Variants in ASTN2 observed in about 807,000 individuals in gnomAD.
ASTN2 encodes astrotactin-2.
ASTN2 carries 54 observed loss-of-function variants against 139.8 expected under a neutral mutation model. The observed-to-expected ratio is 0.39, with a 90% CI of 0.31 to 0.48. The LOEUF (loss-of-function observed/expected upper bound fraction) is 0.48. Ranked by LOEUF, ASTN2 falls within the 20% of genes least tolerant of loss-of-function variation. ASTN2 has a pLI of 0.95. For synonymous variants in ASTN2, 756 were observed against 719.5 expected, an observed-to-expected ratio of 1.05 and a Z score of -0.81; for missense variants, 1,565 against 1,725.1, an observed-to-expected ratio of 0.91 and a Z score of 1.64.
At chr9:116,578,456 C>T (rs1853812248) in intron 19 of ASTN2, among the ~76,000 whole-genome samples, 1 of 151,948 alleles carries the variant, frequency 6.6e-6, no homozygotes, top group South Asian at 2.1e-4. Context: ...GTTCTAAGAA[C>T]ATTTTTAATT....
intron 19 of ASTN2, among the ~76,000 whole-genome samples, chr9:116,542,385 T>C (rs1851911077): frequency 6.6e-6 from 1 of 152,200 alleles, no homozygotes; most frequent in African/African-American, 2.4e-5. Context: ...CCTAATAAAT[T>C]CTGCCACTTC....
At chr9:116,838,119 TTG>T (rs1165963834) in intron 11 of ASTN2, among the ~76,000 whole-genome samples, 9,933 of 146,368 alleles carry the variant, frequency 0.068, 454 homozygotes, top group East Asian at 0.2. Flanking sequence ...TTGTTTTGTT[TTG>T]TTTTTTGAGA....
intron 10 of ASTN2, among the ~76,000 whole-genome samples, chr9:116,941,907 G>A (rs1835241577): frequency 6.6e-6 from 1 of 151,376 alleles, no homozygotes; most frequent in African/African-American, 2.4e-5. Flanking sequence ...TGAGCAGAGA[G>A]GTAGGAAGAA....
chr9:116,662,589 T>A (rs1373838659), intron 16 of ASTN2, among the ~76,000 whole-genome samples: 7 of 151,984 alleles, frequency 4.6e-5, no homozygotes, highest in African/African-American at 1.7e-4. Context: ...AATAAAAAAA[T>A]AATGTAGGGT....
At chr9:116,841,230 A>C (rs1456289062) in intron 11 of ASTN2, among the ~76,000 whole-genome samples, 1 of 152,116 alleles carries the variant, frequency 6.6e-6, no homozygotes, top group Non-Finnish European at 1.5e-5. Context: ...TACGAAAACC[A>C]GTCAGGCGTG....
intron 3 of ASTN2, among the ~76,000 whole-genome samples, chr9:117,203,078 G>A (rs1239656976): frequency 1.3e-5 from 2 of 151,592 alleles, no homozygotes; most frequent in Admixed American, 6.6e-5. Context: ...TCTTATTTCA[G>A]TAAGGTTGTC....
At chr9:117,054,326 C>T (rs1206296196) in intron 5 of ASTN2, among the ~76,000 whole-genome samples, 1 of 152,220 alleles carries the variant, frequency 6.6e-6, no homozygotes, top group Non-Finnish European at 1.5e-5. Context: ...TGCCATTACT[C>T]ACTGTGCCAC....
At chr9:116,900,789 G>A (rs544209939) in intron 10 of ASTN2, among the ~76,000 whole-genome samples, 42 of 151,976 alleles carry the variant, frequency 2.8e-4, no homozygotes, top group Non-Finnish European at 4.6e-4. Flanking sequence ...CTCCACCTTC[G>A]TTTGGTTCTC....
intron 11 of ASTN2, among the ~76,000 whole-genome samples, chr9:116,861,176 T>C (rs963683053): frequency 6.6e-6 from 1 of 151,250 alleles, no homozygotes; most frequent in African/African-American, 2.4e-5. Context: ...ATTTTTCCAG[T>C]TTATATGAAT....
chr9:116,568,061 AATT>A (rs1262991813), intron 19 of ASTN2, among the ~76,000 whole-genome samples: 1 of 152,218 alleles, frequency 6.6e-6, no homozygotes, highest in African/African-American at 2.4e-5. Flanking sequence ...CTGAAACTAT[AATT>A]CAGGTACTTA....
At chr9:116,446,017 T>TCTGAAAG (rs1376556991) in intron 20 of ASTN2, among the ~76,000 whole-genome samples, 2 of 151,846 alleles carry the variant, frequency 1.3e-5, no homozygotes, top group Non-Finnish European at 2.9e-5. Flanking sequence ...CAGAGGCACA[T>TCTGAAAG]CTGAAAGCTG....
chr9:117,307,246 AC>A (rs1835023847), intron 1 of ASTN2, among the ~76,000 whole-genome samples: 2 of 152,326 alleles, frequency 1.3e-5, no homozygotes, highest in Non-Finnish European at 2.9e-5. Context: ...CTATGCACAA[AC>A]ATATATGTTC....
chr9:116,841,138 G>T (rs970756130), intron 11 of ASTN2, among the ~76,000 whole-genome samples: 3 of 152,242 alleles, frequency 2.0e-5, no homozygotes, highest in Non-Finnish European at 4.4e-5. Flanking sequence ...ACCTCGGGAG[G>T]CCGAGGCTGT....
At chr9:116,551,885 A>G (rs1852363566) in intron 19 of ASTN2, among the ~76,000 whole-genome samples, 2 of 152,222 alleles carry the variant, frequency 1.3e-5, no homozygotes, top group South Asian at 2.1e-4. Context: ...AAATAGGAAG[A>G]ACTGTGAAGA....
At chr9:116,936,866 G>A (rs777488766) in intron 10 of ASTN2, among the ~76,000 whole-genome samples, 10 of 152,154 alleles carry the variant, frequency 6.6e-5, no homozygotes, top group Non-Finnish European at 1.5e-4. Context: ...GATGAGCAAA[G>A]GTAGGTGGCA....
At chr9:116,793,252 G>A (rs1234168885) in intron 13 of ASTN2, among the ~76,000 whole-genome samples, 2 of 152,148 alleles carry the variant, frequency 1.3e-5, no homozygotes, top group African/African-American at 4.8e-5. Flanking sequence ...ACTGAAATAC[G>A]TTTTGGAAAA....
intron 2 of ASTN2, among the ~76,000 whole-genome samples, chr9:117,219,513 G>C (rs184476940): frequency 1.7e-4 from 26 of 152,286 alleles, no homozygotes; most frequent in Non-Finnish European, 3.4e-4. Context: ...CCTCAGGGAC[G>C]ATCTGATGCC....
chr9:116,956,454 T>G (rs1007683825), intron 10 of ASTN2, among the ~76,000 whole-genome samples: 9 of 147,844 alleles, frequency 6.1e-5, no homozygotes, highest in South Asian at 4.2e-4. Flanking sequence ...ATATAATATA[T>G]ATGAAATATG....
chr9:117,021,655 C>T (rs1420546601), intron 6 of ASTN2, among the ~76,000 whole-genome samples: 1 of 152,260 alleles, frequency 6.6e-6, no homozygotes, highest in East Asian at 1.9e-4. Context: ...CTGGTATTCA[C>T]GTTCTGGCCA....
Sources: allele counts gnomAD v4.1 joint callset (sites outside exome capture counted in the v4.1 genomes callset), GRCh38; gene constraint gnomAD v4.1.1; transcripts MANE v1.5; gene names NCBI Gene and HGNC (gene_info 2026-07-23, HGNC 2026-07-21).